Variants in PRKG1 observed in about 807,000 individuals in gnomAD.
PRKG1 encodes protein kinase cGMP-dependent 1, also known as cGMP-dependent protein kinase 1.
In PRKG1, 35 loss-of-function variants were observed where a neutral mutation model predicts 88.1. That is an observed-to-expected ratio of 0.40 (90% CI 0.30 to 0.53). The LOEUF (loss-of-function observed/expected upper bound fraction) is 0.53. Among genes scored for constraint, PRKG1 ranks in the 20% least tolerant of loss-of-function variants. The pLI, the probability that PRKG1 is intolerant of heterozygous loss-of-function variation, is 0.59. For synonymous variants in PRKG1, 303 were observed against 292.5 expected, an observed-to-expected ratio of 1.04 and a Z score of -0.37; for missense variants, 540 against 839.8, an observed-to-expected ratio of 0.64 and a Z score of 4.41.
At chr10:51,582,009 T>C (rs1838052957) in intron 3 of PRKG1, among the ~76,000 whole-genome samples, 1 of 152,136 alleles carries the variant, frequency 6.6e-6, no homozygotes, top group Admixed American at 6.6e-5. Context: ...GAACCTGTAT[T>C]TTTCTAGAAG....
chr10:52,255,009 T>C (rs528227392), intron 10 of PRKG1, among the ~76,000 whole-genome samples: 2 of 152,228 alleles, frequency 1.3e-5, no homozygotes, highest in Non-Finnish European at 2.9e-5. Context: ...TTCCTTTCTG[T>C]TTTCTGGCAT....
chr10:51,194,568 C>A (rs1476102324), intron 2 of PRKG1, among the ~76,000 whole-genome samples: 1 of 152,038 alleles, frequency 6.6e-6, no homozygotes, highest in East Asian at 1.9e-4. Context: ...TGAGTTTCAA[C>A]AGTCCTAGAA....
At chr10:51,699,563 C>T (rs925074148) in intron 3 of PRKG1, 1 of 1,599,658 alleles carries the variant, frequency 6.3e-7, no homozygotes, top group Admixed American at 1.7e-5. Context: ...TCCGGTTGTG[C>T]AGACAGCCGA....
Position 52,180,078 on chromosome 10 carries a change from G to A in PRKG1, c.1076+18115G>A, listed in dbSNP as rs76972076. ...TTAGCTTAATGGTCCCTCATAAATC[G>A]TTTAGGCTTTCTTCATTACTTTTTA... On this transcript the variant is annotated intron_variant, in intron 9 of 17. Coordinates refer to ENST00000373980, the MANE Select transcript of PRKG1 (RefSeq NM_006258.4). Among the ~76,000 whole-genome samples, 4,604 of 152,154 alleles carry A rather than the reference G, an allele frequency of 0.03. 361 individuals carry two copies. In the East Asian group the frequency reaches 0.33, roughly 11 times the overall value.
chr10:51,312,409 G>T (rs184569018), intron 2 of PRKG1, among the ~76,000 whole-genome samples: 2 of 152,174 alleles, frequency 1.3e-5, no homozygotes, highest in African/African-American at 4.8e-5. Context: ...GGAAAACTGC[G>T]CTATGACAAA....
intron 4 of PRKG1, among the ~76,000 whole-genome samples, chr10:51,864,299 C>T (rs186160821): frequency 4.2e-4 from 64 of 152,278 alleles, no homozygotes; most frequent in African/African-American, 1.4e-3. Flanking sequence ...TTCCTCTGCC[C>T]ATCAGAGTAG....
intron 9 of PRKG1, among the ~76,000 whole-genome samples, chr10:52,232,185 C>G (rs943612530): frequency 1.3e-5 from 2 of 151,970 alleles, no homozygotes; most frequent in Admixed American, 1.3e-4. Flanking sequence ...CGCCTGTAGT[C>G]CCAGCTGCCA....
At chr10:51,359,880 T>G (rs575613654) in intron 2 of PRKG1, among the ~76,000 whole-genome samples, 17 of 152,054 alleles carry the variant, frequency 1.1e-4, no homozygotes, top group African/African-American at 4.1e-4. Flanking sequence ...CAGACTGGTA[T>G]TAAATTCTGG....
intron 5 of PRKG1, among the ~76,000 whole-genome samples, chr10:51,923,420 A>C (rs1339837022): frequency 2.6e-5 from 4 of 151,226 alleles, no homozygotes; most frequent in Admixed American, 1.3e-4. Context: ...AATATCTATC[A>C]TATTAATATT....
chr10:51,546,056 ATT>A (rs34133066), intron 3 of PRKG1, among the ~76,000 whole-genome samples: 394 of 145,664 alleles, frequency 2.7e-3, no homozygotes, highest in East Asian at 0.012. Flanking sequence ...ATCTACAGGT[ATT>A]TTTTTTTTTT....
intron 2 of PRKG1, among the ~76,000 whole-genome samples, chr10:51,260,471 G>T (rs1839676977): frequency 6.6e-6 from 1 of 151,844 alleles, no homozygotes; most frequent in African/African-American, 2.4e-5. Context: ...TAATACCAAT[G>T]GTCTCTCTAG....
intron 5 of PRKG1, among the ~76,000 whole-genome samples, chr10:51,947,181 C>A (rs1463766271): frequency 6.6e-6 from 1 of 152,114 alleles, no homozygotes; most frequent in Admixed American, 6.5e-5. Context: ...GCTCCCCTCC[C>A]CCAGCCTCGC....
intron 8 of PRKG1, among the ~76,000 whole-genome samples, chr10:52,157,224 A>AAT (rs1838134247): frequency 1.5e-5 from 1 of 67,984 alleles, no homozygotes; most frequent in Non-Finnish European, 4.2e-5. Flanking sequence ...ATACACACCA[A>AAT]GTATATATAT....
chr10:51,715,876 G>A (rs1841873363), intron 3 of PRKG1, among the ~76,000 whole-genome samples: 1 of 152,234 alleles, frequency 6.6e-6, no homozygotes, highest in Non-Finnish European at 1.5e-5. Flanking sequence ...ATGTGATTGT[G>A]TGAACTTTAC....
intron 3 of PRKG1, among the ~76,000 whole-genome samples, chr10:51,484,529 G>A (rs963559676): frequency 6.6e-6 from 1 of 151,960 alleles, no homozygotes; most frequent in Admixed American, 6.6e-5. Flanking sequence ...CACTTGCCTC[G>A]GCCTCCCAAA....
At chr10:52,288,689 A>G (rs1472904845) in intron 14 of PRKG1, 37 bp from the exon 15 acceptor site, 1 of 1,539,726 alleles carries the variant, frequency 6.5e-7, no homozygotes, top group Non-Finnish European at 8.7e-7. Context: ...GTAGAAAATA[A>G]AAGTAATATC....
chr10:51,712,021 A>G (rs1841764134), intron 3 of PRKG1, among the ~76,000 whole-genome samples: 1 of 152,234 alleles, frequency 6.6e-6, no homozygotes, highest in African/African-American at 2.4e-5. Context: ...AAGCGTATAA[A>G]TTTAATGACT....
intron 5 of PRKG1, among the ~76,000 whole-genome samples, chr10:52,021,747 C>T (rs7920855): frequency 0.65 from 98,660 of 151,920 alleles, 32,562 homozygotes; most frequent in African/African-American, 0.77. Context: ...ATGTTGTTGA[C>T]GATGAAAAAA....
In PRKG1 at chr10:51,020,954, G is replaced by C. The variant is rs1474137369; in HGVS notation, c.266+29310G>C. Among the ~76,000 whole-genome samples, 6 of 152,254 alleles carry C rather than the reference G, an allele frequency of 3.9e-5. No individual in the cohort carries two copies. In the South Asian group the frequency reaches 1.2e-3, roughly 32 times the overall value. ...AGTAAGACCATCTTTGGAATTTGGA[G>C]TCCATACTTGTAGTTTAATAAAGTA... On this transcript the variant is annotated intron_variant, in intron 1 of 17. Coordinates refer to the PRKG1 transcript ENST00000401604.
Sources: gnomAD v4.1 joint callset for allele counts (sites outside exome capture counted in the v4.1 genomes callset) on GRCh38, gnomAD v4.1.1 for gene constraint, MANE v1.5 for transcripts, NCBI Gene and HGNC (gene_info 2026-07-23, HGNC 2026-07-21) for gene names.